Variants in LRRC69 observed in about 807,000 individuals in gnomAD.
The protein encoded by LRRC69 is leucine-rich repeat-containing protein 69.
Under a neutral mutation model 37.8 loss-of-function variants are expected in LRRC69, and 42 were observed. That is an observed-to-expected ratio of 1.11 (90% CI 0.87 to 1.44). LRRC69 has a LOEUF of 1.44. Among genes scored for constraint, LRRC69 ranks in the 40% most tolerant of loss-of-function variants. The pLI is 0.00. For synonymous variants in LRRC69, 141 were observed against 143.1 expected (o/e 0.99, Z 0.11); for missense variants, 357 against 401.9 (o/e 0.89, Z 0.96).
chr8:91,210,628 T>C (rs1476091573), intron 7 of LRRC69, among the ~76,000 whole-genome samples: 1 of 150,842 alleles, frequency 6.6e-6, no homozygotes, highest in Non-Finnish European at 1.5e-5. Context: ...GGAAACAAGC[T>C]TGGAAGCAAG....
chr8:91,103,283 C>T (rs1813252964), intron 1 of LRRC69, among the ~76,000 whole-genome samples: 2 of 150,706 alleles, frequency 1.3e-5, no homozygotes, highest in South Asian at 4.2e-4. Flanking sequence ...CAAGGGAGTT[C>T]CTTTTCAATT....
chr8:91,153,297 A>G (rs1808774259), intron 5 of LRRC69, among the ~76,000 whole-genome samples: 1 of 151,220 alleles, frequency 6.6e-6, no homozygotes, highest in African/African-American at 2.4e-5. Context: ...TGTCAATATT[A>G]GATCATTGAG....
Position 91,158,146 on chromosome 8 carries a change from A to G in LRRC69, c.651+22407A>G, listed in dbSNP as rs1010421905. The G allele has an allele frequency of 1.2e-5, 19 of 1,602,170 alleles. No homozygotes were observed. The Admixed American group carries it at 1.7e-4, about 14-fold the overall frequency. ...TACCAGGTGAAACTCTCACTTACCT[A>G]TGGAAAATCCCAGAAAGATCTGGAG... On this transcript the variant is annotated intron_variant, in intron 5 of 7. Coordinates refer to ENST00000448384, the Ensembl canonical transcript of LRRC69.
At chr8:91,160,452 C>G (rs900331612) in intron 5 of LRRC69, among the ~76,000 whole-genome samples, 2 of 151,062 alleles carry the variant, frequency 1.3e-5, no homozygotes, top group African/African-American at 4.8e-5. Context: ...TGTGTCCCCA[C>G]CCAAATCTCA....
At chr8:91,137,849 A>C (rs1808448251) in intron 5 of LRRC69, among the ~76,000 whole-genome samples, 1 of 152,110 alleles carries the variant, frequency 6.6e-6, no homozygotes. Flanking sequence ...TCTAGGTCAC[A>C]CAATGATTAT....
At chr8:91,197,318 AGGTG>A (rs1809623201) in intron 6 of LRRC69, among the ~76,000 whole-genome samples, 1 of 152,192 alleles carries the variant, frequency 6.6e-6, no homozygotes, top group Non-Finnish European at 1.5e-5. Context: ...CTGCCCCCAG[AGGTG>A]GAGCCTACAG....
At chr8:91,197,080 G>T (rs1257647097) in intron 6 of LRRC69, among the ~76,000 whole-genome samples, 3 of 151,954 alleles carry the variant, frequency 2.0e-5, no homozygotes, top group Non-Finnish European at 4.4e-5. Context: ...CTCAGCTGCA[G>T]GTCTGTTGGA....
chr8:91,192,190 A>C (rs1403983519), intron 6 of LRRC69, among the ~76,000 whole-genome samples: 4 of 152,068 alleles, frequency 2.6e-5, no homozygotes, highest in Non-Finnish European at 5.9e-5. Context: ...CTTTTTTATG[A>C]ATGCATAGTA....
intron 7 of LRRC69, among the ~76,000 whole-genome samples, chr8:91,202,959 G>A (rs1308303841): frequency 6.6e-6 from 1 of 152,158 alleles, no homozygotes; most frequent in African/African-American, 2.4e-5. Context: ...GGAGAAAGAA[G>A]TGATAAGACT....
intron 3 of LRRC69, among the ~76,000 whole-genome samples, chr8:91,127,935 CA>C (rs1447534618): frequency 6.6e-6 from 1 of 151,968 alleles, no homozygotes; most frequent in Non-Finnish European, 1.5e-5. Flanking sequence ...TACCTCTGGC[CA>C]ATGTATTATT....
At chr8:91,174,969 T>G (rs1809199177) in intron 5 of LRRC69, among the ~76,000 whole-genome samples, 1 of 152,012 alleles carries the variant, frequency 6.6e-6, no homozygotes, top group Non-Finnish European at 1.5e-5. Flanking sequence ...GAAGTAGAGT[T>G]TGACATTTTG....
chr8:91,127,088 A>G (rs1348517973), exon 3 of LRRC69: 7 of 1,546,244 alleles, frequency 4.5e-6, no homozygotes, highest in Non-Finnish European at 6.1e-6. Flanking sequence ...TTTCTAACAG[A>G]TGGCTTACAA....
intron 1 of LRRC69, among the ~76,000 whole-genome samples, chr8:91,113,477 T>G (rs939313581): frequency 1.3e-5 from 2 of 152,016 alleles, no homozygotes; most frequent in East Asian, 3.9e-4. Context: ...GGATAGTGTC[T>G]TCAATAAATG....
chr8:91,170,309 C>T (rs1342249970), intron 5 of LRRC69, among the ~76,000 whole-genome samples: 1 of 148,150 alleles, frequency 6.7e-6, no homozygotes, highest in Non-Finnish European at 1.5e-5. Context: ...TTTTTTGCTG[C>T]ATAAATGGCC....
chr8:91,181,217 G>GT (rs1466576838), intron 5 of LRRC69, among the ~76,000 whole-genome samples: 1 of 152,108 alleles, frequency 6.6e-6, no homozygotes, highest in African/African-American at 2.4e-5. Flanking sequence ...ATTGGTAGAA[G>GT]TTTTTTTGTA....
intron 5 of LRRC69, among the ~76,000 whole-genome samples, chr8:91,151,675 G>T (rs1329343718): frequency 6.6e-6 from 1 of 151,582 alleles, no homozygotes; most frequent in Non-Finnish European, 1.5e-5. Flanking sequence ...TGGGATTGCT[G>T]GGTCAAATGG....
chr8:91,178,696 G>T (rs1195814550), intron 5 of LRRC69, among the ~76,000 whole-genome samples: 1 of 152,294 alleles, frequency 6.6e-6, no homozygotes. Context: ...AAATTTCAGG[G>T]TGTATGTGAT....
chr8:91,151,515 T>C (rs1808737251), intron 5 of LRRC69, among the ~76,000 whole-genome samples: 1 of 150,218 alleles, frequency 6.7e-6, no homozygotes, highest in South Asian at 2.1e-4. Context: ...ACTATGTATG[T>C]ACCACATTTT....
chr8:91,173,548 T>C (rs1055760241), intron 5 of LRRC69, among the ~76,000 whole-genome samples: 39 of 152,224 alleles, frequency 2.6e-4, no homozygotes, highest in Admixed American at 6.5e-5. Flanking sequence ...ATCAATTTAC[T>C]AATACACTTG....
Sources: gnomAD v4.1 joint callset for allele counts (sites outside exome capture counted in the v4.1 genomes callset) on GRCh38, gnomAD v4.1.1 for gene constraint, MANE v1.5 for transcripts, NCBI Gene and HGNC (gene_info 2026-07-23, HGNC 2026-07-21) for gene names.